The following WWOX variants were observed in gnomAD, a reference collection of about 807,000 sequenced individuals.
The protein encoded by WWOX is WW domain-containing oxidoreductase.
WWOX carries 69 observed loss-of-function variants against 46.2 expected under a neutral mutation model. The ratio of observed to expected loss-of-function variants is 1.49; its 90% confidence interval spans 1.23 to 1.82. The LOEUF is 1.82. Among genes scored for constraint, WWOX ranks in the 40% most tolerant of loss-of-function variants. The pLI, the probability that WWOX is intolerant of heterozygous loss-of-function variation, is 0.00. For missense variants in WWOX, 919 were observed against 542.6 expected (o/e 1.69, Z -6.89); for synonymous variants, 359 against 202.6 (o/e 1.77, Z -6.56).
intron 8 of WWOX, among the ~76,000 whole-genome samples, chr16:78,795,052 T>C (rs1186017393): frequency 1.3e-5 from 2 of 152,212 alleles, no homozygotes; most frequent in South Asian, 2.1e-4. Context: ...TCCAGCCAAC[T>C]CATTTTGGAC....
At chr16:78,615,279 C>A (rs1185758534) in intron 8 of WWOX, among the ~76,000 whole-genome samples, 1 of 152,138 alleles carries the variant, frequency 6.6e-6, no homozygotes, top group African/African-American at 2.4e-5. Flanking sequence ...CTGCTACAGA[C>A]GTCAGGTCCC....
At chr16:78,135,555 C>G (rs1312276346) in intron 4 of WWOX, among the ~76,000 whole-genome samples, 1 of 152,068 alleles carries the variant, frequency 6.6e-6, no homozygotes, top group Admixed American at 6.6e-5. Context: ...ATAGGAGATT[C>G]TTCCATTCTG....
At chr16:78,953,835 C>G (rs368493814) in intron 8 of WWOX, among the ~76,000 whole-genome samples, 26 of 152,360 alleles carry the variant, frequency 1.7e-4, no homozygotes, top group African/African-American at 6.3e-4. Flanking sequence ...TCGAGCCACT[C>G]TCCACTCTCC....
chr16:78,600,592 G>A (rs2151616206), intron 8 of WWOX, among the ~76,000 whole-genome samples: 1 of 152,278 alleles, frequency 6.6e-6, no homozygotes, highest in Admixed American at 6.5e-5. Context: ...CCAGAGAGGT[G>A]AAGGACCCAT....
chr16:78,923,179 C>G (rs1002553947), intron 8 of WWOX, among the ~76,000 whole-genome samples: 1 of 151,900 alleles, frequency 6.6e-6, no homozygotes, highest in African/African-American at 2.4e-5. Flanking sequence ...CGGGGTTTCT[C>G]CATGTTGGTC....
intron 8 of WWOX, among the ~76,000 whole-genome samples, chr16:78,519,917 A>G (rs1028591370): frequency 6.6e-6 from 1 of 152,184 alleles, no homozygotes; most frequent in Admixed American, 6.5e-5. Context: ...AATGGACTAA[A>G]GGTTTTTGAG....
rs71380475 is a variant in WWOX at position 78,144,448 on chromosome 16, C to CGTGTATATATATATATATATAT, written c.410-19735_410-19734insGTGTATATATATATATATATAT. 1.0e-3 allele frequency among the ~76,000 whole-genome samples: 18 copies of CGTGTATATATATATATATATAT among 17,586 alleles called. 1 individual carries two copies. The highest frequency in any genetic ancestry group is 2.6e-3 in the African/African-American group (18 of 6,948). The allele number at this position is 17,586 out of a possible 152,430, so 11.5% of individuals were successfully genotyped here. ...CCATTACTATATATATATATATATA[C>CGTGTATATATATATATATATAT]ACATATATATATATACACACATATA... On this transcript the variant is annotated intron_variant, in intron 4 of 8. Coordinates refer to ENST00000566780, the MANE Select transcript of WWOX (RefSeq NM_016373.4).
At chr16:78,593,535 C>G (rs1379981995) in intron 8 of WWOX, among the ~76,000 whole-genome samples, 1 of 152,156 alleles carries the variant, frequency 6.6e-6, no homozygotes, top group African/African-American at 2.4e-5. Context: ...TTCCTGATTC[C>G]CGGCCACAGT....
intron 5 of WWOX, among the ~76,000 whole-genome samples, chr16:78,311,641 C>G (rs111228201): frequency 0.037 from 5,588 of 152,246 alleles, 140 homozygotes; most frequent in Non-Finnish European, 0.057. Flanking sequence ...CAACTTACTT[C>G]TAGTGGTAAT....
intron 5 of WWOX, among the ~76,000 whole-genome samples, chr16:78,380,470 A>T (rs542389356): frequency 6.6e-6 from 1 of 152,182 alleles, no homozygotes; most frequent in Admixed American, 6.5e-5. Context: ...TTGTTTTGAG[A>T]TGGCTTTTAT....
chr16:78,868,253 C>T (rs959299604), intron 8 of WWOX, among the ~76,000 whole-genome samples: 12 of 152,070 alleles, frequency 7.9e-5, no homozygotes, highest in South Asian at 4.1e-4. Flanking sequence ...AAAAACATTA[C>T]GCTAAGTGAA....
chr16:78,749,267 A>G (rs891830008), intron 8 of WWOX, among the ~76,000 whole-genome samples: 3 of 152,214 alleles, frequency 2.0e-5, no homozygotes, highest in Non-Finnish European at 2.9e-5. Flanking sequence ...ACAAATGAGG[A>G]AACAGAGCTC....
intron 8 of WWOX, among the ~76,000 whole-genome samples, chr16:79,073,380 A>T (rs186722304): frequency 8.7e-4 from 133 of 152,058 alleles, no homozygotes; most frequent in African/African-American, 2.9e-3. Flanking sequence ...GGGTTTCACC[A>T]TGTTGGCCAG....
chr16:78,230,878 C>G (rs1294501579), intron 5 of WWOX, among the ~76,000 whole-genome samples: 1 of 152,216 alleles, frequency 6.6e-6, no homozygotes, highest in Non-Finnish European at 1.5e-5. Context: ...CCATGCCACT[C>G]CTTATCTCTT....
intron 8 of WWOX, among the ~76,000 whole-genome samples, chr16:78,842,159 C>A (rs957299110): frequency 1.3e-5 from 2 of 151,996 alleles, no homozygotes; most frequent in African/African-American, 4.8e-5. Flanking sequence ...AGTTCATTTT[C>A]AACCGATTCA....
chr16:78,218,061 T>C (rs1275268794), intron 5 of WWOX, among the ~76,000 whole-genome samples: 1 of 151,960 alleles, frequency 6.6e-6, no homozygotes, highest in East Asian at 1.9e-4. Context: ...TTTCTTTTCT[T>C]TTTTCTTTTT....
At chr16:78,163,343 T>G (rs2034860238) in intron 4 of WWOX, among the ~76,000 whole-genome samples, 1 of 152,206 alleles carries the variant, frequency 6.6e-6, no homozygotes, top group Non-Finnish European at 1.5e-5. Context: ...AAGGCTGGAC[T>G]GTCTCTTGTT....
chr16:78,907,714 C>G (rs528667326), intron 8 of WWOX, among the ~76,000 whole-genome samples: 2 of 152,168 alleles, frequency 1.3e-5, no homozygotes, highest in African/African-American at 2.4e-5. Flanking sequence ...GGGTAAGTTA[C>G]TAGAGGGAGT....
chr16:78,345,739 G>A (rs900953145), intron 5 of WWOX, among the ~76,000 whole-genome samples: 2 of 115,202 alleles, frequency 1.7e-5, no homozygotes, highest in East Asian at 3.9e-4. Context: ...CATTAATACT[G>A]CTGTTCTTAA....
Sources: allele counts gnomAD v4.1 joint callset (sites outside exome capture counted in the v4.1 genomes callset), GRCh38; gene constraint gnomAD v4.1.1; transcripts MANE v1.5; gene names NCBI Gene and HGNC (gene_info 2026-07-23, HGNC 2026-07-21).